Variants in MAST4 observed in about 807,000 individuals in gnomAD.
The protein encoded by MAST4 is microtubule-associated serine/threonine-protein kinase 4.
In MAST4, 89 loss-of-function variants were observed where a neutral mutation model predicts 162.7. The observed-to-expected ratio is 0.55, with a 90% CI of 0.46 to 0.65. The LOEUF is 0.65. MAST4 is among the 30% of genes least tolerant of loss of function. The probability of loss-of-function intolerance (pLI) is 0.00; values close to 1 mark genes in which losing one functional copy is unlikely to be tolerated. For missense variants in MAST4, 3,153 were observed against 3,374.0 expected (o/e 0.93, Z 1.62); for synonymous variants, 1,479 against 1,361.1 (o/e 1.09, Z -1.91).
chr5:66,872,991 T>A (rs151180021), intron 3 of MAST4, among the ~76,000 whole-genome samples: 3 of 152,338 alleles, frequency 2.0e-5, no homozygotes, highest in African/African-American at 7.2e-5. Context: ...ACACTATAAA[T>A]TAGCTAACTT....
chr5:66,692,631 G>T (rs945144106), intron 1 of MAST4, among the ~76,000 whole-genome samples: 3 of 152,070 alleles, frequency 2.0e-5, no homozygotes, highest in Non-Finnish European at 4.4e-5. Context: ...AAATCATTTT[G>T]CTAGGGGTCC....
At chr5:67,150,358 A>G (rs952691199) in intron 24 of MAST4, among the ~76,000 whole-genome samples, 3 of 152,224 alleles carry the variant, frequency 2.0e-5, no homozygotes, top group Non-Finnish European at 4.4e-5. Context: ...TTGGAAGAAA[A>G]CAGATCATGT....
At chr5:66,704,942 G>A (rs1349272873) in intron 1 of MAST4, among the ~76,000 whole-genome samples, 1 of 152,178 alleles carries the variant, frequency 6.6e-6, no homozygotes, top group South Asian at 2.1e-4. Context: ...GTGCTAAGCA[G>A]TCCTAGAGGT....
intron 1 of MAST4, among the ~76,000 whole-genome samples, chr5:66,704,162 C>A (rs1226103967): frequency 1.3e-5 from 2 of 152,076 alleles, no homozygotes; most frequent in Non-Finnish European, 2.9e-5. Context: ...TTTTATTATA[C>A]CACGTCTATT....
intron 10 of MAST4, among the ~76,000 whole-genome samples, chr5:67,108,084 T>A (rs1169813896): frequency 6.6e-6 from 1 of 152,214 alleles, no homozygotes; most frequent in African/African-American, 2.4e-5. Context: ...AAATTATATG[T>A]TTTATCCTTG....
intron 6 of MAST4, among the ~76,000 whole-genome samples, chr5:67,091,637 A>G (rs917558178): frequency 6.6e-6 from 1 of 152,352 alleles, no homozygotes; most frequent in South Asian, 2.1e-4. Flanking sequence ...AATGCATTTA[A>G]TTATTATAAG....
At chr5:66,927,262 A>C (rs35934964) in intron 4 of MAST4, among the ~76,000 whole-genome samples, 2 of 152,176 alleles carry the variant, frequency 1.3e-5, no homozygotes, top group Admixed American at 6.5e-5. Context: ...GAGATATTTG[A>C]CCTTGTTGAA....
chr5:67,156,295 A>G (rs1269289440), intron 26 of MAST4, among the ~76,000 whole-genome samples: 1 of 152,166 alleles, frequency 6.6e-6, no homozygotes, highest in African/African-American at 2.4e-5. Flanking sequence ...GTATAAGATG[A>G]TTTGCACCCA....
At chr5:66,996,995 T>G (rs184917592) in intron 4 of MAST4, among the ~76,000 whole-genome samples, 2 of 152,378 alleles carry the variant, frequency 1.3e-5, no homozygotes, top group Admixed American at 1.3e-4. Flanking sequence ...TGTTTTAGGA[T>G]GTATTAACAA....
rs73108431 is a variant in MAST4, at chr5:66,654,731, T to C, written c.363+57713T>C. Among the ~76,000 whole-genome samples the C allele has an allele frequency of 9.1e-3, 1,388 of 152,262 alleles. 22 individuals carry two copies. Among genetic ancestry groups the C allele is most frequent in the African/African-American group, 0.032 (1,325 of 41,540 alleles). Reference sequence around the variant, plus strand: ...TAGGTGGCTTTATTCAGAATTATGTTAAGATTGTTTTTAAGCAGGAAACAA... The same window carrying C: ...TAGGTGGCTTTATTCAGAATTATGTCAAGATTGTTTTTAAGCAGGAAACAA... On this transcript the variant is annotated intron_variant, in intron 1 of 28. Coordinates refer to ENST00000403625, the MANE Select transcript of MAST4 (RefSeq NM_001164664.2).
intron 1 of MAST4, among the ~76,000 whole-genome samples, chr5:66,640,960 C>T (rs1745453058): frequency 6.6e-6 from 1 of 152,064 alleles, no homozygotes; most frequent in Non-Finnish European, 1.5e-5. Context: ...TTACATTTTG[C>T]TGATTATTAG....
chr5:66,643,985 T>A (rs1170683691), intron 1 of MAST4, among the ~76,000 whole-genome samples: 3 of 151,920 alleles, frequency 2.0e-5, no homozygotes, highest in Non-Finnish European at 4.4e-5. Flanking sequence ...GCTATATGAG[T>A]TAATAATGTG....
intron 3 of MAST4, among the ~76,000 whole-genome samples, chr5:66,888,208 T>TA (rs1339779509): frequency 6.6e-6 from 1 of 152,230 alleles, no homozygotes; most frequent in Non-Finnish European, 1.5e-5. Flanking sequence ...ATTAGAGGCT[T>TA]AAGTTTACAT....
chr5:66,718,203 T>C (rs549329675), intron 1 of MAST4, among the ~76,000 whole-genome samples: 59 of 151,684 alleles, frequency 3.9e-4, no homozygotes, highest in African/African-American at 1.4e-3. Context: ...TTTGCTTTGC[T>C]GAGAAAAAGC....
intron 3 of MAST4, among the ~76,000 whole-genome samples, chr5:66,801,374 C>A (rs1418805539): frequency 6.6e-6 from 1 of 152,020 alleles, no homozygotes; most frequent in African/African-American, 2.4e-5. Context: ...ATCAGCCAAC[C>A]TGTAAGGAAG....
At chr5:66,954,388 A>T (rs1581000010) in intron 4 of MAST4, among the ~76,000 whole-genome samples, 1 of 152,312 alleles carries the variant, frequency 6.6e-6, no homozygotes, top group Admixed American at 6.5e-5. Context: ...ACAATTATTT[A>T]AACAATGAAA....
At chr5:66,617,641 C>T (rs945585037) in intron 1 of MAST4, among the ~76,000 whole-genome samples, 1 of 152,124 alleles carries the variant, frequency 6.6e-6, no homozygotes, top group African/African-American at 2.4e-5. Context: ...TTTTAAGCCT[C>T]TAAACTTTGG....
chr5:67,098,538 A>C (rs1406321116), intron 7 of MAST4, among the ~76,000 whole-genome samples: 1 of 152,182 alleles, frequency 6.6e-6, no homozygotes, highest in African/African-American at 2.4e-5. Context: ...AAGTATGTCT[A>C]TCAAATGATA....
rs1420411696 is a variant in MAST4 at position 66,992,011 on chromosome 5, A to G, written c.675-62393A>G. ...GGAGCAAGTTACTAAAGACTTGTAA[A>G]TCACTCTCAAGTTATATAATGTGAT... On this transcript the variant is annotated intron_variant, in intron 4 of 28. Transcript: ENST00000403625. Among the ~76,000 whole-genome samples the G allele has an allele frequency of 2.6e-5, 4 of 152,252 alleles. No individual in the cohort carries two copies. In the East Asian group the frequency reaches 7.7e-4, roughly 29 times the overall value.
Sources: gnomAD v4.1 joint callset for allele counts (sites outside exome capture counted in the v4.1 genomes callset) on GRCh38, gnomAD v4.1.1 for gene constraint, MANE v1.5 for transcripts, NCBI Gene and HGNC (gene_info 2026-07-23, HGNC 2026-07-21) for gene names.